IL2RA: variants seen among roughly 807,000 people sequenced by gnomAD.
The protein encoded by IL2RA is interleukin-2 receptor subunit alpha.
A neutral mutation model predicts 37.8 loss-of-function variants in IL2RA; 24 were observed. The observed-to-expected ratio is 0.63, with a 90% CI of 0.46 to 0.89. The LOEUF (loss-of-function observed/expected upper bound fraction) is 0.89. Among genes scored for constraint, IL2RA ranks in the 40% least tolerant of loss-of-function variants. The probability of loss-of-function intolerance (pLI) is 0.00; values close to 1 mark genes in which losing one functional copy is unlikely to be tolerated. For missense variants in IL2RA, 319 were observed against 348.6 expected (o/e 0.92, Z 0.68); for synonymous variants, 125 against 114.6 (o/e 1.09, Z -0.58).
At chr10:6,050,062 A>T (rs1248976274) in intron 1 of IL2RA, among the ~76,000 whole-genome samples, 2 of 152,176 alleles carry the variant, frequency 1.3e-5, no homozygotes, top group African/African-American at 2.4e-5. Flanking sequence ...CAGAGGAGGT[A>T]GCAAAGTGCC....
Position 6,024,318 on chromosome 10 carries a change from G to C in IL2RA, c.293C>G (p.Pro98Arg). Residue 98 changes from proline to arginine, a missense_variant, in exon 3 of 8, where the codon CCT becomes CGT. Pro to Arg is a moderately radical substitution (Grantham distance 103). Transcript: ENST00000379959. Reference protein sequence around the residue: ...RNTTKQVTPQPEEQKERKTTE... With the variant: ...RNTTKQVTPQREEQKERKTTE... ...GGTTTTCCTTTCTTTCTGTTCTTCA[G>C]GTTGAGGTGTCACTTGTTTCGTTGT... 6.2e-7 allele frequency: 1 copy of C among 1,614,112 alleles called. No individual in the cohort carries two copies. Among genetic ancestry groups the C allele is most frequent in the South Asian group, 1.1e-5 (1 of 91,080 alleles).
rs1392460315 is a variant in IL2RA, at chr10:6,054,764, G to T, written c.64+7324C>A. ...ACCTTCTCTGAGAATTTTTTTTCTAGTTCTCCAGGTAGCATGTTACTCTCC... is the reference window on the plus strand; with the variant it reads ...ACCTTCTCTGAGAATTTTTTTTCTATTTCTCCAGGTAGCATGTTACTCTCC... On this transcript the variant is annotated intron_variant, in intron 1 of 7. Transcript: ENST00000379959. This position sits in a 1 kb window ranked among gnomAD's most constrained non-coding sequence, Gnocchi z 4.5. 6.6e-6 allele frequency among the ~76,000 whole-genome samples: 1 copy of T among 152,090 alleles called. No homozygotes were observed. Among genetic ancestry groups the T allele is most frequent in the Non-Finnish European group, 1.5e-5 (1 of 68,020 alleles).
At chr10:6,042,470 A>G (rs1433283824) in intron 1 of IL2RA, among the ~76,000 whole-genome samples, 1 of 152,178 alleles carries the variant, frequency 6.6e-6, no homozygotes, top group East Asian at 1.9e-4. Flanking sequence ...GTGGAAACAT[A>G]TACAATTCCT....
chr10:6,031,860 G>C (rs761426569), intron 1 of IL2RA, among the ~76,000 whole-genome samples: 10 of 151,952 alleles, frequency 6.6e-5, no homozygotes. Context: ...ATTTCTAAAA[G>C]CTCCTTAGAA....
rs1839899553 is a variant in IL2RA at position 6,048,425 on chromosome 10, A to C, written c.64+13663T>G. 6.6e-6 allele frequency among the ~76,000 whole-genome samples: 1 copy of C among 152,202 alleles called. No individual in the cohort carries two copies. Among genetic ancestry groups the C allele is most frequent in the Admixed American group, 6.5e-5 (1 of 15,286 alleles). On this transcript the variant is annotated intron_variant, in intron 1 of 7. Coordinates refer to ENST00000379959, the MANE Select transcript of IL2RA (RefSeq NM_000417.3). This position sits in a 1 kb window ranked among gnomAD's most constrained non-coding sequence, Gnocchi z 5.3. ...ACAGTTCTGGATGTGTAGACTGAGCAGCCTGTGAGGCATCCACACGGAAAG... is the reference window on the plus strand; with the variant it reads ...ACAGTTCTGGATGTGTAGACTGAGCCGCCTGTGAGGCATCCACACGGAAAG...
chr10:6,051,257 C>T (rs1303739247), intron 1 of IL2RA, among the ~76,000 whole-genome samples: 2 of 152,044 alleles, frequency 1.3e-5, no homozygotes, highest in Admixed American at 6.5e-5. Context: ...CAGGCCTGCC[C>T]CCAGCCAGCG....
rs41294921 is a variant in IL2RA at position 6,057,201 on chromosome 10, G to C, written c.64+4887C>G. On this transcript the variant is annotated intron_variant, in intron 1 of 7. Transcript: ENST00000379959. The surrounding 1 kb of genome is among the most constrained non-coding windows in gnomAD (Gnocchi z 4.8). ...TTCCTATAGTATTGAAAAGGGGCAT[G>C]AGAGATATTGGATAGATTTTGAGAA... Among the ~76,000 whole-genome samples, 288 of 152,312 alleles carry C rather than the reference G, an allele frequency of 1.9e-3. 2 individuals carry two copies. Among genetic ancestry groups the C allele is most frequent in the Middle Eastern group, 0.017 (5 of 294 alleles).
Position 6,011,234 on chromosome 10 carries a change from T to C in IL2RA, c.*1638A>G, listed in dbSNP as rs921487054. 12 of 152,274 alleles carry C rather than the reference T, an allele frequency of 7.9e-5. No homozygotes were observed. The highest frequency in any genetic ancestry group is 2.7e-4 in the African/African-American group (11 of 41,424). The allele number at this position is 152,274 out of a possible 1,614,324, so 9.4% of individuals were successfully genotyped here. On this transcript the variant is annotated 3_prime_UTR_variant, in exon 8 of 8. Transcript: ENST00000379959. This position sits in a 1 kb window ranked among gnomAD's most constrained non-coding sequence, Gnocchi z 5.2. ...GACTCAACTGATTCGTGAGGGGAGA[T>C]CTTGCACCAGATATGGAACCAGGAC... is the stretch of plus-strand genomic sequence containing the variant.
At position 6,033,104 on chromosome 10, in the gene IL2RA, T is replaced by C. The variant is rs1468581049; in HGVS notation, c.65-7079A>G. Among the ~76,000 whole-genome samples the C allele has an allele frequency of 6.6e-6, 1 of 152,136 alleles. No homozygotes were observed. The highest frequency in any genetic ancestry group is 6.5e-5 in the Admixed American group (1 of 15,284). On this transcript the variant is annotated intron_variant, in intron 1 of 7. Transcript: ENST00000379959. The surrounding 1 kb of genome is among the most constrained non-coding windows in gnomAD (Gnocchi z 4.3). ...CTATCTGAAAGTATTTGGCCAGGCA[T>C]GGTGGCTCACGCCTGTAATCTCAGC...
At chr10:6,037,340 G>A (rs1334099960) in intron 1 of IL2RA, among the ~76,000 whole-genome samples, 1 of 152,084 alleles carries the variant, frequency 6.6e-6, no homozygotes, top group African/African-American at 2.4e-5. Context: ...AAGGGAAAAG[G>A]GGGCTGATAA....
chr10:6,039,482 T>C (rs2132878819), intron 1 of IL2RA: 1 of 152,188 alleles, frequency 6.6e-6, no homozygotes, highest in East Asian at 1.9e-4. Flanking sequence ...CAATCAAATG[T>C]GATAACCACA....
At chr10:6,024,830 T>C (rs1171175186) in intron 2 of IL2RA, among the ~76,000 whole-genome samples, 2 of 152,214 alleles carry the variant, frequency 1.3e-5, no homozygotes, top group Non-Finnish European at 2.9e-5. Flanking sequence ...CTTAACACAA[T>C]GACAAGGAAA....
At chr10:6,026,745 T>C (rs1373755407) in intron 1 of IL2RA, among the ~76,000 whole-genome samples, 4 of 152,132 alleles carry the variant, frequency 2.6e-5, no homozygotes. Context: ...AGATTAGATT[T>C]TGGGGGGAAA....
At chr10:6,016,775 T>C (rs1248773683) in intron 7 of IL2RA, among the ~76,000 whole-genome samples, 2 of 152,178 alleles carry the variant, frequency 1.3e-5, no homozygotes, top group African/African-American at 4.8e-5. Context: ...GGTTTCAGCA[T>C]GTTGTCCAGC....
At chr10:6,053,238 C>T (rs1018675563) in intron 1 of IL2RA, among the ~76,000 whole-genome samples, 1 of 152,226 alleles carries the variant, frequency 6.6e-6, no homozygotes, top group African/African-American at 2.4e-5. Flanking sequence ...GCCCCTTCCT[C>T]GTTGGGCTAC....
At position 6,015,659 on chromosome 10, in the gene IL2RA, A is replaced by C. The variant is rs1839263860; in HGVS notation, c.794+2394T>G. ...AGGGATGCTTTGATACCTACAAGGT[A>C]CAGTGATCAGATCATGGTATTTAGC... On this transcript the variant is annotated intron_variant, in intron 7 of 7. Transcript: ENST00000379959. This position sits in a 1 kb window ranked among gnomAD's most constrained non-coding sequence, Gnocchi z 4.9. 6.6e-6 allele frequency among the ~76,000 whole-genome samples: 1 copy of C among 152,246 alleles called. No individual in the cohort carries two copies. Among genetic ancestry groups the C allele is most frequent in the Non-Finnish European group, 1.5e-5 (1 of 68,046 alleles).
chr10:6,019,346 A>G lies in IL2RA; in HGVS notation c.727+82T>C, dbSNP rs569944982. On this transcript the variant is annotated intron_variant, in intron 6 of 7. Coordinates refer to ENST00000379959, the MANE Select transcript of IL2RA (RefSeq NM_000417.3). ...AACTAACCAACCTACCAGCCAACCA[A>G]CTAACCAACCTACTAACCAGTCAAC... is the stretch of plus-strand genomic sequence containing the variant. The G allele has an allele frequency of 4.6e-6, 5 of 1,080,774 alleles. No individual in the cohort carries two copies. The East Asian group carries it at 1.2e-4, about 25-fold the overall frequency. The allele number at this position is 1,080,774 out of a possible 1,614,324, so 66.9% of individuals were successfully genotyped here.
At chr10:6,026,278 T>C (rs1839482261) in intron 1 of IL2RA, among the ~76,000 whole-genome samples, 2 of 152,280 alleles carry the variant, frequency 1.3e-5, no homozygotes, top group African/African-American at 2.4e-5. Flanking sequence ...TGAGTAGAAA[T>C]TAACAAGGTT....
rs1253112228 is a variant in IL2RA, at chr10:6,047,324, C to T, written c.64+14764G>A. 2.6e-5 allele frequency among the ~76,000 whole-genome samples: 4 copies of T among 152,160 alleles called. No homozygotes were observed. Among genetic ancestry groups the T allele is most frequent in the Admixed American group, 6.5e-5 (1 of 15,280 alleles). On this transcript the variant is annotated intron_variant, in intron 1 of 7. Coordinates refer to ENST00000379959, the MANE Select transcript of IL2RA (RefSeq NM_000417.3). The surrounding 1 kb of genome is among the most constrained non-coding windows in gnomAD (Gnocchi z 5.0). ...AGTGTGGCCTGTGCCACACTCAGAACGCGGGATGAACATAGAGGAAACACT... is the reference window on the plus strand; with the variant it reads ...AGTGTGGCCTGTGCCACACTCAGAATGCGGGATGAACATAGAGGAAACACT...
Sources: gnomAD v4.1 joint callset for allele counts (sites outside exome capture counted in the v4.1 genomes callset) on GRCh38, gnomAD v4.1.1 for gene constraint, Gnocchi (gnomAD v3.1) non-coding constraint, MANE v1.5 for transcripts, NCBI Gene and HGNC (gene_info 2026-07-23, HGNC 2026-07-21) for gene names.